DUSP10: variants seen among roughly 807,000 people sequenced by gnomAD.
The protein encoded by DUSP10 is dual specificity phosphatase 10.
Under a neutral mutation model 30.8 loss-of-function variants are expected in DUSP10, and 14 were observed. The ratio of observed to expected loss-of-function variants is 0.46; its 90% CI spans 0.30 to 0.71. The LOEUF is 0.71. DUSP10 is among the 30% of genes least tolerant of loss of function. The probability of loss-of-function intolerance (pLI) is 0.08; values close to 1 mark genes in which losing one functional copy is unlikely to be tolerated. For missense variants in DUSP10, 550 were observed against 619.4 expected, an observed-to-expected ratio of 0.89 and a Z score of 1.19; for synonymous variants, 254 against 250.4, an observed-to-expected ratio of 1.01 and a Z score of -0.14.
chr1:221,709,012 A>AC (rs1296039759), intron 2 of DUSP10, among the ~76,000 whole-genome samples: 2 of 151,516 alleles, frequency 1.3e-5, no homozygotes, highest in Non-Finnish European at 2.9e-5. Flanking sequence ...TAAAAAAAAA[A>AC]AAAAAAACCA....
chr1:221,727,346 C>T (rs1419337501), intron 2 of DUSP10, among the ~76,000 whole-genome samples: 2 of 152,152 alleles, frequency 1.3e-5, no homozygotes, highest in African/African-American at 2.4e-5. Flanking sequence ...GATACTAATC[C>T]AAAGGATTAT....
chr1:221,730,256 C>T (rs144640033), intron 2 of DUSP10, among the ~76,000 whole-genome samples: 2 of 152,268 alleles, frequency 1.3e-5, no homozygotes, highest in East Asian at 1.9e-4. Flanking sequence ...TGATGCAAAA[C>T]GGTGACTGCC....
intron 2 of DUSP10, among the ~76,000 whole-genome samples, chr1:221,724,893 A>C (rs1397226482): frequency 6.6e-6 from 1 of 152,188 alleles, no homozygotes; most frequent in East Asian, 1.9e-4. Flanking sequence ...GATTAACTAC[A>C]GCATGCTCTT....
In DUSP10 at chr1:221,739,240, T is replaced by G. The variant is rs1469462188; in HGVS notation, c.505A>C (p.Ser169Arg). 1 of 1,614,232 alleles carries G rather than the reference T, an allele frequency of 6.2e-7. No individual in the cohort carries two copies. Among genetic ancestry groups the G allele is most frequent in the East Asian group, 2.2e-5 (1 of 44,890 alleles). The change falls in exon 2 of 4, where the codon AGT becomes CGT. Residue 169 changes from serine (S) to arginine (R), a missense_variant. By Grantham distance (110) the Ser-to-Arg change is moderately radical. Coordinates refer to ENST00000366899, the MANE Select transcript of DUSP10 (RefSeq NM_007207.6). Reference sequence around the variant, plus strand: ...CAGTCAATGATGACAGGGCCCTGACTCGGCAGGTGACTCTTGCTGCATTTG... The same window carrying G: ...CAGTCAATGATGACAGGGCCCTGACGCGGCAGGTGACTCTTGCTGCATTTG... ...MTKCSKSHLP[S>R]QGPVIIDCRP...
chr1:221,702,470 T>C lies in DUSP10; in HGVS notation c.1391A>G (p.Asn464Ser). The stretch of plus-strand genomic sequence containing the variant: ...TGTAAGGATTCTCGGTGTCACACCG[T>C]TGTTTAGGTCTTCCTCGAACTCTAG... ...QLLEFEEDLNNGVTPRILTPK... is the reference protein window; with the variant it reads ...QLLEFEEDLNSGVTPRILTPK... Residue 464 changes from asparagine (N) to serine (S), a missense_variant, in exon 4 of 4, where the codon AAC becomes AGC. By Grantham distance (46) the Asn-to-Ser change is conservative. Coordinates refer to ENST00000366899, the MANE Select transcript of DUSP10 (RefSeq NM_007207.6). The surrounding 1 kb of genome is among the most constrained non-coding windows in gnomAD (Gnocchi z 4.5). 1 of 1,613,878 alleles carries C rather than the reference T, an allele frequency of 6.2e-7. No homozygotes were observed.
intron 2 of DUSP10, chr1:221,737,545 G>C (rs1028321856): frequency 3.8e-6 from 3 of 797,292 alleles, no homozygotes; most frequent in Non-Finnish European, 4.6e-6. Flanking sequence ...CAACCACCAC[G>C]ACCAGGAAAT....
At chr1:221,720,291 G>A (rs772338182) in intron 2 of DUSP10, among the ~76,000 whole-genome samples, 4 of 152,150 alleles carry the variant, frequency 2.6e-5, no homozygotes, top group East Asian at 1.9e-4. Flanking sequence ...ACATTCAGCC[G>A]CATCCCCCAA....
chr1:221,723,289 T>G (rs1386538105), intron 2 of DUSP10, among the ~76,000 whole-genome samples: 2 of 152,218 alleles, frequency 1.3e-5, no homozygotes, highest in African/African-American at 2.4e-5. Context: ...AAGTCTAGAA[T>G]GCAAATGGCC....
At chr1:221,737,174 C>T in intron 2 of DUSP10, 1 of 985,318 alleles carries the variant, frequency 1.0e-6, no homozygotes, top group African/African-American at 1.7e-5. Context: ...GTAATCATCC[C>T]CATGATTAGG....
chr1:221,713,582 CAG>C (rs1340017228), intron 2 of DUSP10, among the ~76,000 whole-genome samples: 4 of 143,084 alleles, frequency 2.8e-5, no homozygotes, highest in South Asian at 4.9e-4. Context: ...CAGTTTTTCT[CAG>C]AGTCATTCTA....
chr1:221,715,362 C>CAGGGCAGAATTGGTAT (rs1383583720), intron 2 of DUSP10, among the ~76,000 whole-genome samples: 2 of 152,158 alleles, frequency 1.3e-5, no homozygotes, highest in Non-Finnish European at 1.5e-5. Flanking sequence ...CCTCCTGGCT[C>CAGGGCAGAATTGGTAT]AGAAGTTGCC....
At chr1:221,705,074 G>C (rs1478425065) in intron 3 of DUSP10, among the ~76,000 whole-genome samples, 1 of 150,944 alleles carries the variant, frequency 6.6e-6, no homozygotes, top group East Asian at 1.9e-4. Context: ...GTTGAGTTTT[G>C]CTATATTGCA....
In DUSP10 at chr1:221,739,317, T is replaced by G. The variant is rs1661878409; in HGVS notation, c.428A>C (p.Gln143Pro). ...VGSPVSGTPK[Q>P]LASIKIIYPN... ...GTAGATTATTTTGATGCTGGCTAGC[T>G]GCTTGGGGGTCCCTGACACAGGGCT... Residue 143 changes from glutamine to proline, a missense_variant, in exon 2 of 4, where the codon CAG becomes CCG. Coordinates refer to ENST00000366899, the MANE Select transcript of DUSP10 (RefSeq NM_007207.6). 1.2e-6 allele frequency: 2 copies of G among 1,614,032 alleles called. No homozygotes were observed. The highest frequency in any genetic ancestry group is 1.3e-5 in the African/African-American group (1 of 74,934).
chr1:221,731,650 C>T (rs535177957), intron 2 of DUSP10, among the ~76,000 whole-genome samples: 1 of 146,516 alleles, frequency 6.8e-6, no homozygotes, highest in Non-Finnish European at 1.5e-5. Flanking sequence ...CTCACTGTCG[C>T]CAGGCTGGAG....
At chr1:221,703,932 G>A (rs1171694730) in intron 3 of DUSP10, among the ~76,000 whole-genome samples, 1 of 152,186 alleles carries the variant, frequency 6.6e-6, no homozygotes, top group East Asian at 1.9e-4. Flanking sequence ...ATAGTCAACA[G>A]TATTTCAAGA....
intron 1 of DUSP10, 23 bp from the exon 2 acceptor site, chr1:221,739,810 A>G: frequency 6.7e-7 from 1 of 1,502,078 alleles, no homozygotes; most frequent in Non-Finnish European, 8.8e-7. Flanking sequence ...GGAAGGGGGA[A>G]AGAAAGAATA....
At position 221,706,562 on chromosome 1, in the gene DUSP10, G is replaced by A. The variant is rs1480685663; in HGVS notation, c.812-96C>T. ...AGAATGAGTTTGCATTGTAGCTCAT[G>A]CATATTTTAAATACATATATAAATA... On this transcript the variant is annotated intron_variant, in intron 2 of 3. Transcript: ENST00000366899. This position sits in a 1 kb window ranked among gnomAD's most constrained non-coding sequence, Gnocchi z 4.6. 2.2e-6 allele frequency: 2 copies of A among 905,820 alleles called. No homozygotes were observed. The highest frequency in any genetic ancestry group is 3.1e-6 in the Non-Finnish European group (2 of 643,112). 56.1% of individuals were successfully genotyped at this position (905,820 alleles called of 1,614,324 possible).
At chr1:221,741,898 C>G (rs1366068167) in intron 1 of DUSP10, 83 bp downstream of exon 1, 1 of 152,414 alleles carries the variant, frequency 6.6e-6, no homozygotes, top group Non-Finnish European at 1.5e-5. Context: ...AACACACACA[C>G]TCACACTCAC....
intron 2 of DUSP10, among the ~76,000 whole-genome samples, chr1:221,708,072 C>T (rs1660819297): frequency 6.6e-6 from 1 of 152,178 alleles, no homozygotes; most frequent in African/African-American, 2.4e-5. Context: ...TCAAACAGAA[C>T]TAGATACACT....
Sources: allele counts gnomAD v4.1 joint callset (sites outside exome capture counted in the v4.1 genomes callset), GRCh38; gene constraint gnomAD v4.1.1; non-coding constraint Gnocchi (gnomAD v3.1); transcripts MANE v1.5; gene names NCBI Gene and HGNC (gene_info 2026-07-23, HGNC 2026-07-21).